Variants in SNRPD3 observed in about 807,000 individuals in gnomAD.
SNRPD3 encodes the protein small nuclear ribonucleoprotein D3 polypeptide, also known as small nuclear ribonucleoprotein Sm D3.
For missense variants in SNRPD3, 73 were observed against 167.5 expected (o/e 0.44, Z 3.11); for synonymous variants, 66 against 58.4 (o/e 1.13, Z -0.59).
intron 3 of SNRPD3, among the ~76,000 whole-genome samples, chr22:24,571,331 C>T (rs2045248032): frequency 6.6e-6 from 1 of 152,168 alleles, no homozygotes; most frequent in Non-Finnish European, 1.5e-5. Context: ...CATGCTGCCT[C>T]CCAGCCTCTT....
chr22:24,565,235 G>A (rs761809379), intron 2 of SNRPD3, among the ~76,000 whole-genome samples: 1 of 152,060 alleles, frequency 6.6e-6, no homozygotes, highest in Non-Finnish European at 1.5e-5. Flanking sequence ...AAGAGTGTGA[G>A]TTAGAAAGAA....
chr22:24,556,684 T>C (rs2045073041), intron 1 of SNRPD3, among the ~76,000 whole-genome samples: 1 of 152,244 alleles, frequency 6.6e-6, no homozygotes, highest in African/African-American at 2.4e-5. Context: ...TGCTATCTTT[T>C]CATTGCGTCA....
Position 24,574,006 on chromosome 22 carries a change from C to G in SNRPD3, c.*2029C>G, listed in dbSNP as rs1007948126. 5.9e-5 allele frequency among the ~76,000 whole-genome samples: 9 copies of G among 152,170 alleles called. No homozygotes were observed. The highest frequency in any genetic ancestry group is 2.2e-4 in the African/African-American group (9 of 41,440). ...TGCATTTTAAACAATTCCCTGGTCC[C>G]CAGATAAGTAATTCTTAAGTATTCT... is the stretch of plus-strand genomic sequence containing the variant. On this transcript the variant is annotated 3_prime_UTR_variant, in exon 4 of 4. Coordinates refer to ENST00000215829, the MANE Select transcript of SNRPD3 (RefSeq NM_004175.5).
At chr22:24,567,242 C>G (rs2045204762) in intron 2 of SNRPD3, among the ~76,000 whole-genome samples, 1 of 152,174 alleles carries the variant, frequency 6.6e-6, no homozygotes, top group Admixed American at 6.5e-5. Flanking sequence ...ATCTGAGTGC[C>G]AGGCAGTGCA....
At chr22:24,556,166 G>C in intron 1 of SNRPD3, 95 bp downstream of exon 1, 2 of 424,434 alleles carry the variant, frequency 4.7e-6, no homozygotes, top group East Asian at 4.1e-5. Flanking sequence ...GGGGCTCGGG[G>C]AGGGAAGAAA....
At chr22:24,565,611 C>T (rs2045189935) in intron 2 of SNRPD3, among the ~76,000 whole-genome samples, 1 of 152,130 alleles carries the variant, frequency 6.6e-6, no homozygotes, top group African/African-American at 2.4e-5. Context: ...GTGTCTTCTA[C>T]AGAGTCATGA....
At position 24,557,641 on chromosome 22, in the gene SNRPD3, G is replaced by T. The variant is rs1338712448; in HGVS notation, c.-18-16G>T. 3 of 1,600,224 alleles carry T rather than the reference G, an allele frequency of 1.9e-6. No individual in the cohort carries two copies. Among genetic ancestry groups the T allele is most frequent in the Non-Finnish European group, 2.6e-6 (3 of 1,169,886 alleles). ...GACTCTGAAAGATGAACTGACTGTT[G>T]TCTCTCTCATTGTAGAACTCTCTTC... On this transcript the variant is annotated splice_polypyrimidine_tract_variant and intron_variant, in intron 1 of 3. Coordinates refer to ENST00000215829, the MANE Select transcript of SNRPD3 (RefSeq NM_004175.5).
chr22:24,562,436 C>T (rs986950654), intron 2 of SNRPD3, among the ~76,000 whole-genome samples: 5 of 151,806 alleles, frequency 3.3e-5, no homozygotes, highest in African/African-American at 4.8e-5. Context: ...CCCAGCTACT[C>T]GGGAGGCTGA....
chr22:24,570,469 G>A (rs1158091955), intron 3 of SNRPD3, among the ~76,000 whole-genome samples: 1 of 152,180 alleles, frequency 6.6e-6, no homozygotes, highest in Non-Finnish European at 1.5e-5. Flanking sequence ...CAGATCACGA[G>A]GTCAGGAGTT....
intron 2 of SNRPD3, among the ~76,000 whole-genome samples, chr22:24,560,636 C>A (rs1016485135): frequency 4.0e-5 from 6 of 149,584 alleles, no homozygotes; most frequent in Admixed American, 2.0e-4. Context: ...CCCCATGTTG[C>A]CCAGGCTGGT....
intron 3 of SNRPD3, among the ~76,000 whole-genome samples, chr22:24,570,589 A>C (rs1423888760): frequency 6.6e-6 from 1 of 152,056 alleles, no homozygotes; most frequent in African/African-American, 2.4e-5. Context: ...AGGCTGAGGC[A>C]GGAGAATCGC....
intron 3 of SNRPD3, among the ~76,000 whole-genome samples, 162 bp from the exon 4 acceptor site, chr22:24,571,754 A>T (rs2045252182): frequency 6.6e-6 from 1 of 151,938 alleles, no homozygotes; most frequent in African/African-American, 2.4e-5. Flanking sequence ...AAAAAATAAA[A>T]AAAAAAAAAG....
chr22:24,568,198 G>T (rs1418229726), intron 3 of SNRPD3, 22 bp downstream of exon 3: 1 of 1,581,988 alleles, frequency 6.3e-7, no homozygotes, highest in African/African-American at 1.4e-5. Context: ...TCATGCACAG[G>T]TTTTAAAATA....
At chr22:24,566,206 G>T (rs1489513415) in intron 2 of SNRPD3, among the ~76,000 whole-genome samples, 2 of 152,180 alleles carry the variant, frequency 1.3e-5, no homozygotes, top group African/African-American at 2.4e-5. Flanking sequence ...GGGATAGTGG[G>T]TAGAAGCTCT....
At chr22:24,565,890 A>C (rs1237660182) in intron 2 of SNRPD3, among the ~76,000 whole-genome samples, 1 of 151,780 alleles carries the variant, frequency 6.6e-6, no homozygotes, top group Non-Finnish European at 1.5e-5. Flanking sequence ...CAGGTGATCC[A>C]CCCACCTCGG....
chr22:24,557,495 CA>C (rs1363173302), intron 1 of SNRPD3, among the ~76,000 whole-genome samples, 161 bp from the exon 2 acceptor site: 1 of 137,584 alleles, frequency 7.3e-6, no homozygotes, highest in African/African-American at 2.7e-5. Flanking sequence ...TAGTTTCCTC[CA>C]AACCAGGAGC....
intron 3 of SNRPD3, among the ~76,000 whole-genome samples, chr22:24,569,949 A>G (rs191574094): frequency 1.1e-3 from 172 of 152,362 alleles, no homozygotes; most frequent in African/African-American, 2.1e-3. Context: ...CAGGCTGCGC[A>G]TGATCAGCTG....
intron 2 of SNRPD3, among the ~76,000 whole-genome samples, chr22:24,560,090 A>ATTTTTTTTTTTTTTT (rs71189257): frequency 3.4e-5 from 3 of 89,264 alleles, no homozygotes; most frequent in African/African-American, 8.6e-5. Context: ...TTTATAAAGA[A>ATTTTTTTTTTTTTTT]TTTTTTTTTT....
In SNRPD3 at chr22:24,573,096, A is replaced by G. The variant is rs909009328; in HGVS notation, c.*1119A>G. Among the ~76,000 whole-genome samples the G allele has an allele frequency of 6.6e-5, 10 of 151,994 alleles. No homozygotes were observed. Among genetic ancestry groups the G allele is most frequent in the African/African-American group, 2.4e-4 (10 of 41,388 alleles). On this transcript the variant is annotated 3_prime_UTR_variant, in exon 4 of 4. Transcript: ENST00000215829. ...GTGCACACCTGTAGTCCTCGCTACT[A>G]GGGAGGCTGAGGTGGGAGGATCACT... is the stretch of plus-strand genomic sequence containing the variant.
Sources: gnomAD v4.1 joint callset for allele counts (sites outside exome capture counted in the v4.1 genomes callset) on GRCh38, gnomAD v4.1.1 for gene constraint, MANE v1.5 for transcripts, NCBI Gene and HGNC (gene_info 2026-07-23, HGNC 2026-07-21) for gene names.